The following CPNE4 variants were observed in gnomAD, a reference collection of about 807,000 sequenced individuals.
The protein encoded by CPNE4 is copine 4.
Under a neutral mutation model 67.9 loss-of-function variants are expected in CPNE4, and 25 were observed. The observed-to-expected ratio is 0.37, with a 90% confidence interval of 0.27 to 0.51. The LOEUF (loss-of-function observed/expected upper bound fraction) is 0.51. Ranked by LOEUF, CPNE4 falls within the 20% of genes least tolerant of loss-of-function variation. CPNE4 has a pLI of 0.93. For synonymous variants in CPNE4, 242 were observed against 244.9 expected (o/e 0.99, Z 0.11); for missense variants, 464 against 690.8 (o/e 0.67, Z 3.68).
intron 2 of CPNE4, among the ~76,000 whole-genome samples, chr3:131,786,510 T>G (rs186600959): frequency 6.9e-4 from 105 of 152,316 alleles, no homozygotes; most frequent in Middle Eastern, 3.4e-3. Flanking sequence ...TTTTCTAATG[T>G]AATCATCCAA....
At chr3:131,631,005 C>G (rs2079207338) in intron 7 of CPNE4, among the ~76,000 whole-genome samples, 1 of 152,198 alleles carries the variant, frequency 6.6e-6, no homozygotes, top group South Asian at 2.1e-4. Flanking sequence ...GGACTGTGAG[C>G]TCACTGTGTG....
intron 2 of CPNE4, among the ~76,000 whole-genome samples, chr3:131,842,899 A>G (rs1425335954): frequency 6.6e-6 from 1 of 152,222 alleles, no homozygotes; most frequent in African/African-American, 2.4e-5. Context: ...TCAAAACGAT[A>G]TACAGCATTT....
chr3:131,669,786 T>A, intron 6 of CPNE4, 22 bp from the exon 7 acceptor site: 1 of 1,561,468 alleles, frequency 6.4e-7, no homozygotes, highest in Non-Finnish European at 8.8e-7. Flanking sequence ...AAGAGAGGAG[T>A]GGTGAGTGGG....
intron 1 of CPNE4, among the ~76,000 whole-genome samples, chr3:131,963,632 G>T (rs186072900): frequency 6.6e-6 from 1 of 152,146 alleles, no homozygotes; most frequent in Non-Finnish European, 1.5e-5. Context: ...CGGGAAGTTC[G>T]GCAAAACTCA....
rs3041574 is a variant in CPNE4, at chr3:131,923,704, C to CAAAAA, written c.-1-18265_-1-18261dup. Among the ~76,000 whole-genome samples, 45 of 39,274 alleles carry CAAAAA rather than the reference C, an allele frequency of 1.1e-3. 1 individual carries two copies. Among genetic ancestry groups the CAAAAA allele is most frequent in the East Asian group, 9.9e-3 (9 of 908 alleles). 25.8% of individuals were successfully genotyped at this position (39,274 alleles called of 152,430 possible). A position where few individuals can be genotyped will look rare whatever the true frequency, so the allele number is the denominator to read the frequency against. ...TGGGTGACAGAGCTAGACTCCGTCT[C>CAAAAA]AAAAAAAAAAAAAAAAAAAAAAAAA... On this transcript the variant is annotated intron_variant, in intron 1 of 15. Coordinates refer to ENST00000429747, the MANE Select transcript of CPNE4 (RefSeq NM_130808.3).
At chr3:131,574,742 TCAC>T (rs1485611811) in intron 10 of CPNE4, among the ~76,000 whole-genome samples, 1 of 152,126 alleles carries the variant, frequency 6.6e-6, no homozygotes, top group Non-Finnish European at 1.5e-5. Flanking sequence ...TCAATTTTTC[TCAC>T]CAGGTGATGG....
Position 131,905,202 on chromosome 3 carries a change from T to C in CPNE4, c.180+62A>G, listed in dbSNP as rs1583432198. 3.5e-6 allele frequency: 5 copies of C among 1,425,962 alleles called. No individual in the cohort carries two copies. In the South Asian group the frequency reaches 5.4e-5, roughly 15 times the overall value. 88.3% of individuals were successfully genotyped at this position (1,425,962 alleles called of 1,614,324 possible). On this transcript the variant is annotated intron_variant, in intron 2 of 15. Coordinates refer to ENST00000429747, the MANE Select transcript of CPNE4 (RefSeq NM_130808.3). ...ATAAACCACCTGAAGATATAAAATATCAAAACATTTTTGAGCCAATCATCC... is the reference window on the plus strand; with the variant it reads ...ATAAACCACCTGAAGATATAAAATACCAAAACATTTTTGAGCCAATCATCC...
chr3:131,977,471 A>G (rs144103076), intron 1 of CPNE4, among the ~76,000 whole-genome samples: 2 of 152,240 alleles, frequency 1.3e-5, no homozygotes, highest in Admixed American at 1.3e-4. Context: ...GTTGCATCCT[A>G]TGCTTAAAAT....
intron 2 of CPNE4, among the ~76,000 whole-genome samples, chr3:131,787,100 T>C (rs993207963): frequency 3.3e-5 from 5 of 152,164 alleles, no homozygotes; most frequent in Admixed American, 6.6e-5. Flanking sequence ...CATGCTTCAG[T>C]TCATTTCCTG....
chr3:131,794,818 T>C (rs1583211188), intron 2 of CPNE4, among the ~76,000 whole-genome samples: 2 of 152,182 alleles, frequency 1.3e-5, no homozygotes, highest in Admixed American at 1.3e-4. Flanking sequence ...CACATATGAG[T>C]GTGTAGCTTG....
At chr3:131,762,091 G>A (rs1007682084) in intron 2 of CPNE4, among the ~76,000 whole-genome samples, 1 of 151,882 alleles carries the variant, frequency 6.6e-6, no homozygotes, top group Non-Finnish European at 1.5e-5. Flanking sequence ...TACTTCAAAA[G>A]GAAACACATT....
upstream of CPNE4, chr3:132,038,007 T>TTC (rs2074366718): frequency 6.4e-6 from 1 of 157,232 alleles, no homozygotes; most frequent in African/African-American, 2.5e-5. Flanking sequence ...TTCTTTCTTT[T>TTC]TTTTTTTTTT....
intron 2 of CPNE4, among the ~76,000 whole-genome samples, chr3:131,874,108 A>T (rs78515799): frequency 3.7e-5 from 5 of 133,492 alleles, no homozygotes; most frequent in African/African-American, 2.7e-5. Context: ...TTTTTTTTTG[A>T]GACGGAATTT....
At chr3:131,873,826 G>A (rs1284450456) in intron 2 of CPNE4, among the ~76,000 whole-genome samples, 1 of 152,120 alleles carries the variant, frequency 6.6e-6, no homozygotes, top group Non-Finnish European at 1.5e-5. Flanking sequence ...CCTTCTCCCT[G>A]GCTCCTTGGC....
At chr3:131,641,608 T>C (rs1261991500) in intron 7 of CPNE4, among the ~76,000 whole-genome samples, 1 of 152,154 alleles carries the variant, frequency 6.6e-6, no homozygotes, top group Non-Finnish European at 1.5e-5. Context: ...GGTGTGGAGA[T>C]TCCTTAAAGA....
At chr3:131,694,711 G>C (rs2081110402) in intron 5 of CPNE4, among the ~76,000 whole-genome samples, 1 of 152,176 alleles carries the variant, frequency 6.6e-6, no homozygotes, top group Admixed American at 6.5e-5. Context: ...AGGCACTCTG[G>C]TAGACTGTTC....
intron 2 of CPNE4, among the ~76,000 whole-genome samples, chr3:131,799,101 T>C (rs574894995): frequency 1.3e-5 from 2 of 152,142 alleles, no homozygotes; most frequent in Non-Finnish European, 2.9e-5. Flanking sequence ...TTTTGAAAAC[T>C]GGCTCCGACA....
At chr3:131,792,644 T>TATAC (rs1351714158) in intron 2 of CPNE4, among the ~76,000 whole-genome samples, 7 of 79,044 alleles carry the variant, frequency 8.9e-5, no homozygotes, top group African/African-American at 3.2e-4. Flanking sequence ...CACGTGTATA[T>TATAC]ATGTATATAT....
intron 7 of CPNE4, among the ~76,000 whole-genome samples, chr3:131,637,598 A>G (rs1446699008): frequency 6.6e-6 from 1 of 152,236 alleles, no homozygotes; most frequent in Admixed American, 6.5e-5. Context: ...AGAGAAATCT[A>G]AAAGTTTGGA....
Sources: gnomAD v4.1 joint callset for allele counts (sites outside exome capture counted in the v4.1 genomes callset) on GRCh38, gnomAD v4.1.1 for gene constraint, MANE v1.5 for transcripts, NCBI Gene and HGNC (gene_info 2026-07-23, HGNC 2026-07-21) for gene names.